The following PCDHGB1 variants were observed in gnomAD, a reference collection of about 807,000 sequenced individuals.
The protein encoded by PCDHGB1 is protocadherin gamma-B1.
Under a neutral mutation model 56.6 loss-of-function variants are expected in PCDHGB1, and 34 were observed. That is an observed-to-expected ratio of 0.60 (90% confidence interval 0.46 to 0.80). PCDHGB1 has a LOEUF of 0.80. PCDHGB1 is among the 30% of genes least tolerant of loss of function. PCDHGB1 has a pLI of 0.00. For missense variants in PCDHGB1, 1,278 were observed against 1,204.6 expected (o/e 1.06, Z -0.90); for synonymous variants, 561 against 505.9 (o/e 1.11, Z -1.46).
At chr5:141,417,888 G>T (rs1406210540) in intron 1 of PCDHGB1, 1 of 1,566,768 alleles carries the variant, frequency 6.4e-7, no homozygotes, top group Middle Eastern at 1.7e-4. Context: ...CAGAGGCGCC[G>T]GGCCGGCCCG....
rs540147412 is a variant in PCDHGB1 at position 141,381,240 on chromosome 5, G to A, written c.2409+28571G>A. 4.6e-5 allele frequency among the ~76,000 whole-genome samples: 7 copies of A among 152,318 alleles called. No homozygotes were observed. The South Asian group carries it at 1.4e-3, about 32-fold the overall frequency. ...TCCTGGTTCCACCAACTACTCTCCA[G>A]GACCTAGAAGAATTTACAAACCAAG... On this transcript the variant is annotated intron_variant, in intron 1 of 3. Coordinates refer to ENST00000523390, the MANE Select transcript of PCDHGB1 (RefSeq NM_018922.3).
At chr5:141,382,690 G>C in intron 1 of PCDHGB1, 1 of 448,422 alleles carries the variant, frequency 2.2e-6, no homozygotes, top group Non-Finnish European at 3.9e-6. Context: ...AGGGAAAAAT[G>C]GTGCGAGAGA....
At chr5:141,376,159 C>T (rs1772345017) in intron 1 of PCDHGB1, 2 of 1,614,084 alleles carry the variant, frequency 1.2e-6, no homozygotes, top group Non-Finnish European at 8.5e-7. Context: ...TCACTCTGTA[C>T]CTGGTGGTGG....
chr5:141,375,952 G>A (rs1032808913), intron 1 of PCDHGB1: 2 of 1,613,396 alleles, frequency 1.2e-6, no homozygotes, highest in Non-Finnish European at 1.7e-6. Context: ...GCCTGCACAC[G>A]GGCGAGGTGC....
intron 1 of PCDHGB1, chr5:141,492,015 G>A (rs117345436): frequency 3.3e-6 from 2 of 600,492 alleles, no homozygotes; most frequent in African/African-American, 1.9e-5. Context: ...CGCGGGTGTC[G>A]GGGGTCCCGG....
chr5:141,408,922 G>C, intron 1 of PCDHGB1: 1 of 1,613,222 alleles, frequency 6.2e-7, no homozygotes. Context: ...ATAACCCCCC[G>C]GTTTTCAGCA....
At chr5:141,423,203 T>A (rs2096720538) in intron 1 of PCDHGB1, 1 of 1,613,508 alleles carries the variant, frequency 6.2e-7, no homozygotes, top group African/African-American at 1.3e-5. Context: ...TCGGCCACCG[T>A]CACGCTCACC....
intron 1 of PCDHGB1, chr5:141,364,259 C>CA: frequency 6.7e-7 from 1 of 1,498,884 alleles, no homozygotes; most frequent in Non-Finnish European, 8.9e-7. Flanking sequence ...AATATGTACC[C>CA]ATCGGCTTTA....
rs1057108915 is a variant in PCDHGB1 at position 141,511,366 on chromosome 5, T to C, written c.*193T>C. The C allele has an allele frequency of 3.8e-6, 5 of 1,306,414 alleles. No individual in the cohort carries two copies. In the Admixed American group the frequency reaches 8.4e-5, roughly 22 times the overall value. The allele number at this position is 1,306,414 out of a possible 1,614,324, so 80.9% of individuals were successfully genotyped here. A position where few individuals can be genotyped will look rare whatever the true frequency, so the allele number is the denominator to read the frequency against. On this transcript the variant is annotated 3_prime_UTR_variant, in exon 4 of 4. Transcript: ENST00000523390. ...CCCTTCCCCCCCAGGGGGTTGAATA[T>C]GCAAAAGCAGTTCCGCTGGGAACCC...
At chr5:141,410,425 C>G (rs779212749) in intron 1 of PCDHGB1, 1 of 1,614,030 alleles carries the variant, frequency 6.2e-7, no homozygotes, top group South Asian at 1.1e-5. Flanking sequence ...TAGTTCCCCC[C>G]AACTACAGTG....
intron 1 of PCDHGB1, chr5:141,422,419 A>G (rs1318381358): frequency 8.7e-6 from 14 of 1,607,158 alleles, no homozygotes; most frequent in Non-Finnish European, 1.2e-5. Context: ...ATTAGAAAAG[A>G]CTTATGGAAA....
At chr5:141,414,932 C>T (rs770025434) in intron 1 of PCDHGB1, 3 of 1,614,162 alleles carry the variant, frequency 1.9e-6, no homozygotes, top group Middle Eastern at 1.7e-4. Context: ...CCCCGCTCCG[C>T]AGAGCCCGGC....
At chr5:141,497,768 G>A (rs920949258) in intron 2 of PCDHGB1, among the ~76,000 whole-genome samples, 8 of 152,070 alleles carry the variant, frequency 5.3e-5, no homozygotes, top group East Asian at 1.9e-4. Flanking sequence ...CAAACTCCCC[G>A]ACCTCAACTG....
chr5:141,427,229 G>A (rs1377470019), intron 1 of PCDHGB1: 3 of 456,628 alleles, frequency 6.6e-6, no homozygotes, highest in Non-Finnish European at 1.3e-5. Context: ...GTTATACCAT[G>A]AGAGTAGAAG....
chr5:141,351,924 C>T lies in PCDHGB1; in HGVS notation c.1664C>T (p.Ala555Val). 3.7e-6 allele frequency: 6 copies of T among 1,613,314 alleles called. No individual in the cohort carries two copies. Among genetic ancestry groups the T allele is most frequent in the Non-Finnish European group, 5.1e-6 (6 of 1,179,744 alleles). Residue 555 changes from alanine (A) to valine (V), a missense_variant, in exon 1 of 4, where the codon GCG becomes GTG. Ala to Val is a moderately conservative substitution (Grantham distance 64, BLOSUM62 0). Coordinates refer to ENST00000523390, the MANE Select transcript of PCDHGB1 (RefSeq NM_018922.3). ...TTGGTGGGCGACCTCAATGACAATG[C>T]GCCACGGGTGCTGTACCCCGCGCTG... Reference protein sequence around the residue: ...RVLVGDLNDNAPRVLYPALGP... With the variant: ...RVLVGDLNDNVPRVLYPALGP...
intron 1 of PCDHGB1, chr5:141,423,468 A>G (rs1474468597): frequency 6.2e-7 from 1 of 1,613,960 alleles, no homozygotes; most frequent in Admixed American, 1.7e-5. Flanking sequence ...TGGACGGGGT[A>G]CAGGCTTTCC....
intron 1 of PCDHGB1, chr5:141,388,895 T>C (rs2150370716): frequency 6.2e-7 from 1 of 1,613,946 alleles, no homozygotes; most frequent in Non-Finnish European, 8.5e-7. Flanking sequence ...AAGTCATAGA[T>C]GAAAATGACA....
At position 141,476,791 on chromosome 5, in the gene PCDHGB1, C is replaced by A. The variant is rs766227340; in HGVS notation, c.2410-18016C>A. 1 of 1,613,512 alleles carries A rather than the reference C, an allele frequency of 6.2e-7. No individual in the cohort carries two copies. Among genetic ancestry groups the A allele is most frequent in the Non-Finnish European group, 8.5e-7 (1 of 1,180,014 alleles). On this transcript the variant is annotated intron_variant, in intron 1 of 3. Transcript: ENST00000523390. This position sits in a 1 kb window ranked among gnomAD's most constrained non-coding sequence, Gnocchi z 7.6. ...TGGACGGAGGGACCCCAGCTCTCTC[C>A]GCCAGCCTGCCTATTCACATCAAGG...
chr5:141,370,949 C>A (rs1317760178), intron 1 of PCDHGB1: 2 of 1,613,980 alleles, frequency 1.2e-6, no homozygotes, highest in East Asian at 2.2e-5. Context: ...AGAAGGAGAA[C>A]CTGGATGGCA....
Sources: gnomAD v4.1 joint callset for allele counts (sites outside exome capture counted in the v4.1 genomes callset) on GRCh38, gnomAD v4.1.1 for gene constraint, Gnocchi (gnomAD v3.1) non-coding constraint, MANE v1.5 for transcripts, NCBI Gene and HGNC (gene_info 2026-07-23, HGNC 2026-07-21) for gene names.